Variants in AP3M2 observed in about 807,000 individuals in gnomAD.
AP3M2 encodes the protein adaptor related protein complex 3 subunit mu 2, also known as AP-3 complex subunit mu-2.
A neutral mutation model predicts 41.6 loss-of-function variants in AP3M2; 28 were observed. The observed-to-expected ratio is 0.67, with a 90% CI of 0.50 to 0.92. The LOEUF is 0.92. Among genes scored for constraint, AP3M2 ranks in the 40% least tolerant of loss-of-function variants. AP3M2 has a pLI of 0.00. For missense variants in AP3M2, 427 were observed against 521.4 expected, an observed-to-expected ratio of 0.82 and a Z score of 1.76; for synonymous variants, 193 against 186.4, an observed-to-expected ratio of 1.04 and a Z score of -0.29.
intron 3 of AP3M2, 92 bp downstream of exon 3, chr8:42,158,204 T>C: frequency 7.2e-7 from 1 of 1,392,294 alleles, no homozygotes; most frequent in Non-Finnish European, 9.9e-7. Flanking sequence ...TGTTTGTCTT[T>C]GGGGATCTCA....
At chr8:42,166,959 GTTAA>G (rs888335505) in intron 6 of AP3M2, 2 of 570,008 alleles carry the variant, frequency 3.5e-6, no homozygotes, top group Admixed American at 3.0e-5. Context: ...CATTAGAAAA[GTTAA>G]TTTAGTTACT....
chr8:42,157,746 A>G (rs1027161705), intron 2 of AP3M2, among the ~76,000 whole-genome samples, 195 bp from the exon 3 acceptor site: 2 of 152,254 alleles, frequency 1.3e-5, no homozygotes, highest in Non-Finnish European at 2.9e-5. Context: ...CAGTAGTACC[A>G]TAAGCCAGTC....
At chr8:42,159,606 C>G (rs952713320) in intron 3 of AP3M2, among the ~76,000 whole-genome samples, 4 of 151,970 alleles carry the variant, frequency 2.6e-5, no homozygotes, top group African/African-American at 9.7e-5. Flanking sequence ...TATGGGAGAT[C>G]TTTATGTCTT....
chr8:42,156,217 C>T (rs1804351163), intron 2 of AP3M2, among the ~76,000 whole-genome samples: 1 of 152,120 alleles, frequency 6.6e-6, no homozygotes, highest in African/African-American at 2.4e-5. Flanking sequence ...TAACTTATTA[C>T]AAGACAGGAA....
chr8:42,166,387 T>A (rs1804637378), intron 6 of AP3M2, among the ~76,000 whole-genome samples: 1 of 152,068 alleles, frequency 6.6e-6, no homozygotes, highest in South Asian at 2.1e-4. Flanking sequence ...TGTTAGGAAC[T>A]GTTATTACTT....
chr8:42,168,084 T>G, intron 8 of AP3M2: 1 of 552,710 alleles, frequency 1.8e-6, no homozygotes, highest in Admixed American at 2.5e-5. Flanking sequence ...TAGCCATTTT[T>G]GGATCATCTT....
intron 4 of AP3M2, among the ~76,000 whole-genome samples, chr8:42,163,222 A>G (rs1804555788): frequency 6.6e-6 from 1 of 151,922 alleles, no homozygotes; most frequent in African/African-American, 2.4e-5. Context: ...GTAGTTGGAG[A>G]CTGCGGTGAG....
intron 2 of AP3M2, among the ~76,000 whole-genome samples, chr8:42,155,461 T>C (rs970153562): frequency 6.6e-6 from 1 of 152,254 alleles, no homozygotes; most frequent in Non-Finnish European, 1.5e-5. Context: ...AGAGTGGTAC[T>C]GATGAGCTCT....
chr8:42,168,878 A>G lies in AP3M2; in HGVS notation c.1157-83A>G, dbSNP rs184923651. 7.1e-6 allele frequency: 7 copies of G among 979,986 alleles called. No homozygotes were observed. In the Admixed American group the frequency reaches 9.8e-5, roughly 14 times the overall value. The allele number at this position is 979,986 out of a possible 1,614,324, so 60.7% of individuals were successfully genotyped here. ...CAGCAATGTCGGTCCCACTGACTTC[A>G]GTGTATTGAACAGAAACAGTTAGGC... On this transcript the variant is annotated intron_variant, in intron 8 of 8. Coordinates refer to ENST00000396926, the MANE Select transcript of AP3M2 (RefSeq NM_006803.4).
chr8:42,157,114 A>C (rs1370650220), intron 2 of AP3M2, among the ~76,000 whole-genome samples: 2 of 152,214 alleles, frequency 1.3e-5, no homozygotes, highest in African/African-American at 4.8e-5. Flanking sequence ...GGAAGGGAAC[A>C]TTGAATAGCC....
rs1804672391 is a variant in AP3M2 at position 42,167,488 on chromosome 8, T to C, written c.1011+117T>C. 2.9e-6 allele frequency: 4 copies of C among 1,393,294 alleles called. No homozygotes were observed. In the Admixed American group the frequency reaches 6.8e-5, roughly 24 times the overall value. 86.3% of individuals were successfully genotyped at this position (1,393,294 alleles called of 1,614,324 possible). ...TGAGATGAGTCAAAGGGACCTTGTTTTCTCCTGCCAGGTAACTTAACAGTA... is the reference window on the plus strand; with the variant it reads ...TGAGATGAGTCAAAGGGACCTTGTTCTCTCCTGCCAGGTAACTTAACAGTA... On this transcript the variant is annotated intron_variant, in intron 7 of 8. Coordinates refer to ENST00000396926, the MANE Select transcript of AP3M2 (RefSeq NM_006803.4).
intron 6 of AP3M2, among the ~76,000 whole-genome samples, chr8:42,166,591 C>CAAAAAAAAAAAAAAAAAAAAAAAAAAAAA (rs56858276): frequency 3.9e-5 from 3 of 77,054 alleles, no homozygotes; most frequent in African/African-American, 1.6e-4. Flanking sequence ...CTTGTCTCTA[C>CAAAAAAAAAAAAAAAAAAAAAAAAAAAAA]AAAAAAAAAA....
At chr8:42,165,917 C>T (rs1337374490) in intron 6 of AP3M2, 1 of 184,438 alleles carries the variant, frequency 5.4e-6, no homozygotes, top group Admixed American at 5.9e-5. Context: ...TGTCCCTGGT[C>T]TAAAAGAAGC....
intron 3 of AP3M2, among the ~76,000 whole-genome samples, chr8:42,158,453 TG>T (rs1445438820): frequency 6.6e-6 from 1 of 152,052 alleles, no homozygotes; most frequent in Non-Finnish European, 1.5e-5. Flanking sequence ...TTCACTATGT[TG>T]GCCAGGCTGG....
chr8:42,167,564 T>C, intron 7 of AP3M2, 102 bp from the exon 8 acceptor site: 3 of 1,455,174 alleles, frequency 2.1e-6, no homozygotes, highest in East Asian at 4.5e-5. Flanking sequence ...TATAATGTTG[T>C]GGACAGGTGC....
At chr8:42,154,191 C>G (rs1326706543) in intron 1 of AP3M2, 1 of 157,542 alleles carries the variant, frequency 6.3e-6, no homozygotes, top group African/African-American at 2.4e-5. Flanking sequence ...TAGTGGCTAT[C>G]GTATTAAGCT....
intron 6 of AP3M2, chr8:42,165,865 A>T (rs895156373): frequency 2.0e-5 from 5 of 244,936 alleles, no homozygotes; most frequent in Non-Finnish European, 3.9e-5. Context: ...CTAAACAAGA[A>T]CATTATTTTC....
rs769464127 is a variant in AP3M2, at chr8:42,167,168, G to C, written c.808G>C (p.Val270Leu). Reference protein sequence around the residue: ...LSYHVSAQNLVAIPVYVKHNI... With the variant: ...LSYHVSAQNLLAIPVYVKHNI... ...CTCTTTGTCTCTCATTTCCAGTCTGGTTGCAATCCCAGTGTATGTCAAACA... is the reference window on the plus strand; with the variant it reads ...CTCTTTGTCTCTCATTTCCAGTCTGCTTGCAATCCCAGTGTATGTCAAACA... Residue 270 changes from valine to leucine, a missense_variant, in exon 7 of 9, where the codon GTT becomes CTT. Transcript: ENST00000396926. 8 of 1,614,082 alleles carry C rather than the reference G, an allele frequency of 5.0e-6. No individual in the cohort carries two copies. The highest frequency in any genetic ancestry group is 6.8e-6 in the Non-Finnish European group (8 of 1,179,986).
At position 42,162,303 on chromosome 8, in the gene AP3M2, G is replaced by C. The variant is rs771379273; in HGVS notation, c.468G>C (p.Gln156His). 3.7e-6 allele frequency: 6 copies of C among 1,612,882 alleles called. No individual in the cohort carries two copies. In the African/African-American group the frequency reaches 8.0e-5, roughly 22 times the overall value. ...TITGSTNVGD[Q>H]LPTGQLSVVP... is the part of the protein sequence containing the mutation. ...CAGGAAGCACGAATGTGGGTGACCA[G>C]CTTCCCACTGGGCAGCTGTCAGTGG... Residue 156 changes from glutamine (Q) to histidine (H), a missense_variant, in exon 4 of 9, where the codon CAG becomes CAC. By Grantham distance (24) the Gln-to-His change is conservative (BLOSUM62 0). This residue lies in a region of AP3M2 where 86 missense variants were observed against 142.6 expected (regional missense o/e 0.60). Transcript: ENST00000396926.
Sources: allele counts gnomAD v4.1 joint callset (sites outside exome capture counted in the v4.1 genomes callset), GRCh38; gene constraint gnomAD v4.1.1; regional missense constraint gnomAD v4.1.1; transcripts MANE v1.5; gene names NCBI Gene and HGNC (gene_info 2026-07-23, HGNC 2026-07-21).